Variants in XPR1 observed in about 807,000 individuals in gnomAD.
XPR1 encodes xenotropic and polytropic retrovirus receptor 1.
In XPR1, 28 loss-of-function variants were observed where a neutral mutation model predicts 87.5. The observed-to-expected ratio is 0.32, with a 90% CI of 0.24 to 0.44. The LOEUF (loss-of-function observed/expected upper bound fraction) is 0.44. Among genes scored for constraint, XPR1 ranks in the 20% least tolerant of loss-of-function variants. XPR1 has a pLI of 1.00. For synonymous variants in XPR1, 300 were observed against 306.1 expected, an observed-to-expected ratio of 0.98 and a Z score of 0.21; for missense variants, 559 against 862.3, an observed-to-expected ratio of 0.65 and a Z score of 4.41.
At chr1:180,642,232 A>G (rs1008930798) in intron 1 of XPR1, among the ~76,000 whole-genome samples, 7 of 152,140 alleles carry the variant, frequency 4.6e-5, no homozygotes, top group Non-Finnish European at 8.8e-5. Flanking sequence ...AGGTTTAGAA[A>G]TGAATTGGCC....
At chr1:180,702,398 A>G (rs1236129224) in intron 2 of XPR1, among the ~76,000 whole-genome samples, 2 of 150,316 alleles carry the variant, frequency 1.3e-5, no homozygotes, top group Non-Finnish European at 3.0e-5. Flanking sequence ...TGGTGCTGAA[A>G]AAAATGTATA....
chr1:180,785,011 TTGTGTGTGTGTG>T (rs1186269708), intron 2 of XPR1, among the ~76,000 whole-genome samples: 27 of 136,390 alleles, frequency 2.0e-4, no homozygotes, highest in South Asian at 9.8e-4. Flanking sequence ...GTGTGTGTGT[TTGTGTGTGTGTG>T]TGTGTGTGTG....
intron 1 of XPR1, among the ~76,000 whole-genome samples, chr1:180,639,851 A>T (rs1473825216): frequency 6.6e-6 from 1 of 152,190 alleles, no homozygotes; most frequent in African/African-American, 2.4e-5. Context: ...AGGATAAAGG[A>T]GTTCCCTGGG....
chr1:180,831,110 A>G (rs1186003341), intron 9 of XPR1, among the ~76,000 whole-genome samples: 2 of 152,244 alleles, frequency 1.3e-5, no homozygotes, highest in African/African-American at 4.8e-5. Context: ...CATTAGTGAA[A>G]AGAAAGTGGC....
intron 7 of XPR1, among the ~76,000 whole-genome samples, chr1:180,813,195 C>T (rs1338358757): frequency 1.1e-5 from 1 of 90,598 alleles, no homozygotes; most frequent in East Asian, 2.2e-4. Flanking sequence ...TGTCATCTTC[C>T]CCCCACACTT....
intron 1 of XPR1, among the ~76,000 whole-genome samples, chr1:180,654,015 C>T (rs1011676299): frequency 6.6e-6 from 1 of 152,152 alleles, no homozygotes; most frequent in Admixed American, 6.6e-5. Context: ...TACTACTGTA[C>T]TTTAATAACC....
intron 1 of XPR1, among the ~76,000 whole-genome samples, chr1:180,655,400 CTTTTT>C (rs994780324): frequency 3.0e-5 from 4 of 131,460 alleles, no homozygotes; most frequent in African/African-American, 8.6e-5. Context: ...CTCTCTCTCT[CTTTTT>C]TTTTTTTTTT....
chr1:180,713,150 G>A (rs1336029572), intron 2 of XPR1, among the ~76,000 whole-genome samples: 1 of 151,504 alleles, frequency 6.6e-6, no homozygotes, highest in African/African-American at 2.4e-5. Context: ...TTTCTCTTTG[G>A]TCTTCTTTAA....
intron 2 of XPR1, among the ~76,000 whole-genome samples, chr1:180,683,891 A>C (rs944277307): frequency 6.6e-6 from 1 of 151,364 alleles, no homozygotes; most frequent in Non-Finnish European, 1.5e-5. Context: ...GGTTGCAAAA[A>C]TTTTCTCCCA....
At chr1:180,775,633 T>G (rs1648687260) in intron 2 of XPR1, among the ~76,000 whole-genome samples, 1 of 152,176 alleles carries the variant, frequency 6.6e-6, no homozygotes, top group South Asian at 2.1e-4. Context: ...ATAGATTTAC[T>G]TAACAAAATG....
chr1:180,872,783 C>T (rs931011565), intron 12 of XPR1, among the ~76,000 whole-genome samples: 5 of 151,474 alleles, frequency 3.3e-5, no homozygotes, highest in African/African-American at 4.9e-5. Flanking sequence ...TCTTCTGCGT[C>T]GCTCACGCTG....
At chr1:180,864,915 A>G (rs1247610088) in intron 12 of XPR1, among the ~76,000 whole-genome samples, 1 of 152,232 alleles carries the variant, frequency 6.6e-6, no homozygotes, top group East Asian at 1.9e-4. Flanking sequence ...TAAGTATGTT[A>G]AACTAGATTA....
At position 180,852,407 on chromosome 1, in the gene XPR1, CT is replaced by C. The variant is rs1264954035; in HGVS notation, c.1502-11300del. Reference sequence around the variant, plus strand: ...ATTTCCATCACCACAAGGATCCCCCCTGTTGCCTTTTTTGCACAGTATTCCC... The same window carrying C: ...ATTTCCATCACCACAAGGATCCCCCCGTTGCCTTTTTTGCACAGTATTCCC... On this transcript the variant is annotated intron_variant, in intron 11 of 14. Transcript: ENST00000367590. Among the ~76,000 whole-genome samples, 6 of 152,018 alleles carry C rather than the reference CT, an allele frequency of 3.9e-5. No individual in the cohort carries two copies. The East Asian group carries it at 7.7e-4, about 20-fold the overall frequency.
Position 180,697,769 on chromosome 1 carries a change from G to A in XPR1, c.121+15358G>A, listed in dbSNP as rs77342804. ...TTGTATAGATTCCGAAGTTCCTCTT[G>A]TTATTGATTTATAGTTTTATTCCAT... On this transcript the variant is annotated intron_variant, in intron 2 of 14. Transcript: ENST00000367590. Among the ~76,000 whole-genome samples, 306 of 152,176 alleles carry A rather than the reference G, an allele frequency of 2.0e-3. 6 individuals are homozygous for A. The East Asian group carries it at 0.055, about 27-fold the overall frequency.
rs75352946 is a variant in XPR1, at chr1:180,764,430, T to C, written c.122-23323T>C. 0.022 allele frequency among the ~76,000 whole-genome samples: 3,380 copies of C among 152,086 alleles called. 423 individuals carry two copies. In the East Asian group the frequency reaches 0.37, roughly 17 times the overall value. ...AAGAGGGTACTAAACCTGTAATCTT[T>C]TTTTTTTTTAAACTGTTAAAACTTT... On this transcript the variant is annotated intron_variant, in intron 2 of 14. Coordinates refer to ENST00000367590, the MANE Select transcript of XPR1 (RefSeq NM_004736.4).
intron 2 of XPR1, among the ~76,000 whole-genome samples, chr1:180,712,930 C>T (rs1259931330): frequency 1.4e-5 from 2 of 142,856 alleles, no homozygotes; most frequent in Non-Finnish European, 3.0e-5. Flanking sequence ...TGTTCTTATT[C>T]CAGCTTTGTT....
At chr1:180,653,526 TC>T (rs146444568) in intron 1 of XPR1, among the ~76,000 whole-genome samples, 2,554 of 151,550 alleles carry the variant, frequency 0.017, 79 homozygotes, top group African/African-American at 0.057. Flanking sequence ...GGTACAGTAG[TC>T]CCCCCCTTAT....
intron 3 of XPR1, among the ~76,000 whole-genome samples, chr1:180,792,760 G>A (rs1211122098): frequency 3.3e-5 from 5 of 150,894 alleles, no homozygotes; most frequent in East Asian, 1.9e-4. Context: ...AGGCTATACC[G>A]TTAGAAACCT....
chr1:180,639,648 TTCATAGGG>T (rs1449113718), intron 1 of XPR1, among the ~76,000 whole-genome samples: 1 of 152,226 alleles, frequency 6.6e-6, no homozygotes, highest in Non-Finnish European at 1.5e-5. Context: ...AAAGTCGTAA[TTCATAGGG>T]TAATCCATGT....
Sources: gnomAD v4.1 joint callset for allele counts (sites outside exome capture counted in the v4.1 genomes callset) on GRCh38, gnomAD v4.1.1 for gene constraint, MANE v1.5 for transcripts, NCBI Gene and HGNC (gene_info 2026-07-23, HGNC 2026-07-21) for gene names.